The following NEDD4L variants were observed in gnomAD, a reference collection of about 807,000 sequenced individuals.
NEDD4L encodes NEDD4 like E3 ubiquitin protein ligase, also known as E3 ubiquitin-protein ligase NEDD4-like.
A neutral mutation model predicts 148.9 loss-of-function variants in NEDD4L; 54 were observed. The ratio of observed to expected loss-of-function variants is 0.36; its 90% CI spans 0.29 to 0.45. NEDD4L has a LOEUF of 0.45. Among genes scored for constraint, NEDD4L ranks in the 20% least tolerant of loss-of-function variants. NEDD4L has a pLI of 1.00. For missense variants in NEDD4L, 856 were observed against 1,233.8 expected, an observed-to-expected ratio of 0.69 and a Z score of 4.59; for synonymous variants, 433 against 440.7, an observed-to-expected ratio of 0.98 and a Z score of 0.22.
At chr18:58,243,184 G>T (rs973388703) in intron 2 of NEDD4L, among the ~76,000 whole-genome samples, 16 of 152,200 alleles carry the variant, frequency 1.1e-4, no homozygotes, top group African/African-American at 3.6e-4. Flanking sequence ...CGGCAATCAT[G>T]ATAGCTGAGG....
chr18:58,329,001 G>C lies in NEDD4L; in HGVS notation c.687G>C (p.Val229=). The stretch of plus-strand genomic sequence containing the variant: ...CCCTTTCCTGCATGCTCAGGGACGT[G>C]TCCTCGGAGTCGGACAATAACATCA... ...TQWHRPSLMD[V]SSESDNNIRQ... is the part of the protein sequence containing the mutation. Residue 229 remains valine, a synonymous_variant, in exon 10 of 31, where the codon GTG becomes GTC. Coordinates refer to ENST00000400345, the MANE Select transcript of NEDD4L (RefSeq NM_001144967.3). The C allele has an allele frequency of 1.9e-6, 3 of 1,613,946 alleles. No individual in the cohort carries two copies. Among genetic ancestry groups the C allele is most frequent in the Non-Finnish European group, 2.5e-6 (3 of 1,179,872 alleles).
At chr18:58,167,703 A>G (rs921970029) in intron 2 of NEDD4L, among the ~76,000 whole-genome samples, 2 of 151,866 alleles carry the variant, frequency 1.3e-5, no homozygotes, top group African/African-American at 2.4e-5. Context: ...CTTAACATAT[A>G]GAGCATCAAG....
chr18:58,375,619 C>T (rs956825442), intron 24 of NEDD4L, among the ~76,000 whole-genome samples: 3 of 152,040 alleles, frequency 2.0e-5, no homozygotes, highest in African/African-American at 7.2e-5. Flanking sequence ...CACTCTGTAC[C>T]GATGCATTCT....
At chr18:58,249,151 G>A (rs148612425) in intron 4 of NEDD4L, among the ~76,000 whole-genome samples, 1 of 152,278 alleles carries the variant, frequency 6.6e-6, no homozygotes, top group African/African-American at 2.4e-5. Flanking sequence ...TTTTGGAGAA[G>A]TCAAAAGAAA....
chr18:58,251,279 A>C (rs1461966004), intron 4 of NEDD4L, among the ~76,000 whole-genome samples: 1 of 152,226 alleles, frequency 6.6e-6, no homozygotes, highest in Non-Finnish European at 1.5e-5. Flanking sequence ...TAATCCCAGC[A>C]CTTTGAGAGG....
intron 2 of NEDD4L, among the ~76,000 whole-genome samples, chr18:58,188,129 G>A (rs1184027888): frequency 1.3e-5 from 2 of 152,202 alleles, no homozygotes; most frequent in African/African-American, 2.4e-5. Flanking sequence ...TCTGTTCAGC[G>A]ATAGTCCAGC....
At chr18:58,263,608 T>C (rs2148693386) in intron 5 of NEDD4L, among the ~76,000 whole-genome samples, 1 of 150,752 alleles carries the variant, frequency 6.6e-6, no homozygotes, top group African/African-American at 2.4e-5. Context: ...ATGTCATAAC[T>C]CATCCATTTC....
At chr18:58,134,134 G>C (rs1480250956) in intron 1 of NEDD4L, among the ~76,000 whole-genome samples, 6 of 152,232 alleles carry the variant, frequency 3.9e-5, no homozygotes, top group African/African-American at 1.4e-4. Context: ...TTGAGTAGCT[G>C]GGACTACAGG....
At position 58,396,291 on chromosome 18, in the gene NEDD4L, G is replaced by T; in HGVS notation, c.*22G>T. The T allele has an allele frequency of 6.5e-7, 1 of 1,534,716 alleles. No homozygotes were observed. The highest frequency in any genetic ancestry group is 9.0e-7 in the Non-Finnish European group (1 of 1,111,774). ...TTAAGCACCCTGTGCCTCGGGGGTG[G>T]TTGTTCTTCAAGCAAGTTCTGCTTG... is the stretch of plus-strand genomic sequence containing the variant. On this transcript the variant is annotated 3_prime_UTR_variant, in exon 31 of 31. Coordinates refer to ENST00000400345, the MANE Select transcript of NEDD4L (RefSeq NM_001144967.3).
intron 2 of NEDD4L, among the ~76,000 whole-genome samples, chr18:58,206,658 G>A (rs1478380182): frequency 1.3e-5 from 2 of 152,170 alleles, no homozygotes; most frequent in Admixed American, 6.5e-5. Context: ...CTTAAGATAT[G>A]TGGGAGAAAT....
intron 1 of NEDD4L, among the ~76,000 whole-genome samples, chr18:58,109,574 T>G (rs1212660174): frequency 6.9e-6 from 1 of 145,338 alleles, no homozygotes; most frequent in Non-Finnish European, 1.5e-5. Flanking sequence ...TTTTTTTTGT[T>G]TTTTTTTTTT....
At chr18:58,369,113 G>A (rs2046486682) in intron 22 of NEDD4L, among the ~76,000 whole-genome samples, 1 of 152,200 alleles carries the variant, frequency 6.6e-6, no homozygotes, top group South Asian at 2.1e-4. Context: ...GAGCAGAAGG[G>A]AGTGCATTGA....
In NEDD4L at chr18:58,366,836, A is replaced by G. The variant is rs2046171525; in HGVS notation, c.2063+608A>G. 3.3e-5 allele frequency among the ~76,000 whole-genome samples: 5 copies of G among 152,078 alleles called. No homozygotes were observed. The highest frequency in any genetic ancestry group is 7.4e-5 in the Non-Finnish European group (5 of 68,000). On this transcript the variant is annotated intron_variant, in intron 21 of 30. Coordinates refer to ENST00000400345, the MANE Select transcript of NEDD4L (RefSeq NM_001144967.3). This position sits in a 1 kb window ranked among gnomAD's most constrained non-coding sequence, Gnocchi z 4.2. ...GGGCAGTACCCAAGCCCCCAGTAGA[A>G]TAGTCATTGACCTTGCTGAAGGGCA...
chr18:58,118,763 G>T (rs1673373533), intron 1 of NEDD4L, among the ~76,000 whole-genome samples: 1 of 152,156 alleles, frequency 6.6e-6, no homozygotes, highest in Non-Finnish European at 1.5e-5. Context: ...CCCAGCTGAG[G>T]AAGGACACAC....
At chr18:58,319,774 C>T (rs141941753) in intron 6 of NEDD4L, among the ~76,000 whole-genome samples, 11 of 152,272 alleles carry the variant, frequency 7.2e-5, no homozygotes, top group Non-Finnish European at 4.4e-5. Flanking sequence ...AATGCCCTAC[C>T]TGTTACTGCT....
In NEDD4L at chr18:58,335,472, T is replaced by C; in HGVS notation, c.1066-6T>C. ...GCATTTCACTGATGTAAATTATCAT[T>C]CACAGCCCAGTGCCCCAGCTGGGAG... is the stretch of plus-strand genomic sequence containing the variant. On this transcript the variant is annotated splice_region_variant and splice_polypyrimidine_tract_variant and intron_variant, in intron 12 of 30. Transcript: ENST00000400345. 1.9e-6 allele frequency: 3 copies of C among 1,612,934 alleles called. No homozygotes were observed. Among genetic ancestry groups the C allele is most frequent in the African/African-American group, 1.3e-5 (1 of 75,002 alleles).
At chr18:58,251,740 A>G (rs747206579) in intron 4 of NEDD4L, among the ~76,000 whole-genome samples, 6 of 152,174 alleles carry the variant, frequency 3.9e-5, no homozygotes, top group Non-Finnish European at 8.8e-5. Context: ...GCTATTTACA[A>G]CTATCCTTTC....
At chr18:58,383,014 T>A (rs1033836117) in intron 24 of NEDD4L, among the ~76,000 whole-genome samples, 6 of 152,214 alleles carry the variant, frequency 3.9e-5, no homozygotes, top group African/African-American at 1.4e-4. Context: ...TGAAGAATAA[T>A]TAAAAGTCAT....
At chr18:58,324,869 C>T (rs558629176) in intron 8 of NEDD4L, 127 bp from the exon 9 acceptor site, 62 of 818,726 alleles carry the variant, frequency 7.6e-5, no homozygotes, top group African/African-American at 6.5e-4. Flanking sequence ...AAATGTGGCC[C>T]CGAAGCCATG....
Sources: gnomAD v4.1 joint callset for allele counts (sites outside exome capture counted in the v4.1 genomes callset) on GRCh38, gnomAD v4.1.1 for gene constraint, Gnocchi (gnomAD v3.1) non-coding constraint, MANE v1.5 for transcripts, NCBI Gene and HGNC (gene_info 2026-07-23, HGNC 2026-07-21) for gene names.